The following SMARCAD1 variants were observed in gnomAD, a reference collection of about 807,000 sequenced individuals.
SMARCAD1 encodes SWI/SNF-related matrix-associated actin-dependent regulator of chromatin subfamily A containing DEAD/H box 1.
SMARCAD1 carries 25 observed loss-of-function variants against 127.1 expected under a neutral mutation model. That is an observed-to-expected ratio of 0.20 (90% CI 0.14 to 0.27). The LOEUF is 0.27. Among genes scored for constraint, SMARCAD1 ranks in the 10% least tolerant of loss-of-function variants. SMARCAD1 has a pLI of 1.00. For synonymous variants in SMARCAD1, 400 were observed against 396.9 expected (o/e 1.01, Z -0.09); for missense variants, 807 against 1,206.0 (o/e 0.67, Z 4.90).
chr4:94,254,721 A>G (rs1438234878), intron 9 of SMARCAD1, among the ~76,000 whole-genome samples: 1 of 152,144 alleles, frequency 6.6e-6, no homozygotes, highest in Non-Finnish European at 1.5e-5. Flanking sequence ...GTCTAAATGT[A>G]TCTGAAAAGT....
At chr4:94,238,222 G>A (rs1449869536) in intron 5 of SMARCAD1, among the ~76,000 whole-genome samples, 1 of 152,060 alleles carries the variant, frequency 6.6e-6, no homozygotes, top group Non-Finnish European at 1.5e-5. Flanking sequence ...TTTGAGCAAG[G>A]AGACAGTATT....
chr4:94,221,372 G>A (rs139329736), intron 2 of SMARCAD1, among the ~76,000 whole-genome samples: 23 of 152,128 alleles, frequency 1.5e-4, no homozygotes, highest in Admixed American at 9.2e-4. Flanking sequence ...ATGTTTTTTC[G>A]TATGGTTCCA....
At chr4:94,223,224 G>C (rs1489768963) in intron 2 of SMARCAD1, among the ~76,000 whole-genome samples, 3 of 152,076 alleles carry the variant, frequency 2.0e-5, no homozygotes, top group Non-Finnish European at 4.4e-5. Flanking sequence ...GCCGGGCGTG[G>C]TAGCTCACAT....
intron 3 of SMARCAD1, among the ~76,000 whole-genome samples, chr4:94,227,671 C>T (rs1029312889): frequency 2.0e-5 from 3 of 152,086 alleles, no homozygotes; most frequent in African/African-American, 7.2e-5. Flanking sequence ...TGTGGGTGGG[C>T]AAACACCTTT....
intron 8 of SMARCAD1, among the ~76,000 whole-genome samples, chr4:94,251,678 A>G (rs1361833413): frequency 6.6e-6 from 1 of 152,162 alleles, no homozygotes; most frequent in Non-Finnish European, 1.5e-5. Flanking sequence ...TAGCTTTCTG[A>G]GTAAGTAAAA....
In SMARCAD1 at chr4:94,252,834, C is replaced by G. The variant is rs750694296; in HGVS notation, c.1108C>G (p.Leu370Val). 3 of 1,614,056 alleles carry G rather than the reference C, an allele frequency of 1.9e-6. No homozygotes were observed. The highest frequency in any genetic ancestry group is 2.5e-6 in the Non-Finnish European group (3 of 1,179,964). Residue 370 changes from leucine (L) to valine (V), a missense_variant, in exon 9 of 24, where the codon CTA (leucine) becomes GTA (valine). Physicochemically the swap from Leu to Val is conservative, Grantham distance 32. This residue lies in a region of SMARCAD1 where 257 missense variants were observed against 303.4 expected (regional missense o/e 0.85). Transcript: ENST00000354268. Reference protein sequence around the residue: ...YDSGSDVGSSLDEDYSSGEEV... With the variant: ...YDSGSDVGSSVDEDYSSGEEV... The stretch of plus-strand genomic sequence containing the variant: ...TTCAGGTTCTGATGTCGGTAGTTCA[C>G]TAGATGAGGACTATAGTAGTGGTGA...
chr4:94,239,527 G>C (rs1488363328), intron 5 of SMARCAD1, among the ~76,000 whole-genome samples: 1 of 149,712 alleles, frequency 6.7e-6, no homozygotes, highest in Non-Finnish European at 1.5e-5. Context: ...CGAATTTATT[G>C]ATGTTGTCCG....
At chr4:94,221,677 G>A (rs11933631) in intron 2 of SMARCAD1, among the ~76,000 whole-genome samples, 1,602 of 152,268 alleles carry the variant, frequency 0.011, 24 homozygotes, top group African/African-American at 0.036. Context: ...TGGATATATA[G>A]TTTTCATGAA....
intron 5 of SMARCAD1, 150 bp from the exon 6 acceptor site, chr4:94,240,756 A>T (rs931127469): frequency 1.3e-5 from 8 of 635,356 alleles, no homozygotes; most frequent in Admixed American, 2.7e-5. Flanking sequence ...TTTTTTTTCA[A>T]TTCAGTCATA....
At chr4:94,241,474 T>A (rs1373071825) in intron 6 of SMARCAD1, among the ~76,000 whole-genome samples, 2 of 152,162 alleles carry the variant, frequency 1.3e-5, no homozygotes, top group African/African-American at 4.8e-5. Flanking sequence ...CATTTTAACT[T>A]GAGTGTCTCA....
intron 8 of SMARCAD1, 130 bp from the exon 9 acceptor site, chr4:94,252,486 T>C (rs1749426018): frequency 1.7e-6 from 1 of 586,196 alleles, no homozygotes; most frequent in African/African-American, 1.9e-5. Flanking sequence ...GTATCAAATT[T>C]AACAATAAAT....
chr4:94,243,571 CAGTT>C (rs1747939768), intron 6 of SMARCAD1, among the ~76,000 whole-genome samples: 1 of 152,134 alleles, frequency 6.6e-6, no homozygotes. Flanking sequence ...ATACATCAGT[CAGTT>C]CTGTTTTTAA....
chr4:94,208,443 A>G lies in SMARCAD1; in HGVS notation c.49A>G (p.Ile17Val). ...DRFRFEKRNK[I>V]EEAPEATPQP... ...TTTTCGCTTTGAGAAAAGGAATAAGATTGAGGAAGCGCCCGAAGCAACCCC... is the reference window on the plus strand; with the variant it reads ...TTTTCGCTTTGAGAAAAGGAATAAGGTTGAGGAAGCGCCCGAAGCAACCCC... The change falls in exon 2 of 24, where the codon ATT (isoleucine) becomes GTT (valine). Residue 17 changes from isoleucine to valine, a missense_variant. Ile to Val is a conservative substitution (Grantham distance 29, BLOSUM62 3). Around this residue, in one of 8 missense-constraint regions of SMARCAD1, gnomAD observed 175 missense variants for 169.5 expected, o/e 1.03. Transcript: ENST00000354268. 1.2e-6 allele frequency: 2 copies of G among 1,614,094 alleles called. No homozygotes were observed. The highest frequency in any genetic ancestry group is 1.7e-6 in the Non-Finnish European group (2 of 1,180,020).
intron 9 of SMARCAD1, among the ~76,000 whole-genome samples, chr4:94,255,898 A>G (rs778377710): frequency 6.6e-6 from 1 of 152,154 alleles, no homozygotes; most frequent in East Asian, 1.9e-4. Flanking sequence ...GTAGGTGCCT[A>G]TTGTGAGAAA....
chr4:94,235,229 CTTTTTTTTTTTTT>C (rs35123705), intron 4 of SMARCAD1, among the ~76,000 whole-genome samples: 12 of 39,254 alleles, frequency 3.1e-4, no homozygotes, highest in Non-Finnish European at 4.4e-4. Context: ...ACCACCAATC[CTTTTTTTTTTTTT>C]TTTTTTTTTT....
chr4:94,248,861 T>C (rs993900702), intron 6 of SMARCAD1, among the ~76,000 whole-genome samples: 1 of 152,186 alleles, frequency 6.6e-6, no homozygotes, highest in Non-Finnish European at 1.5e-5. Context: ...GCAATTCAGT[T>C]GTTGGATAAT....
intron 6 of SMARCAD1, among the ~76,000 whole-genome samples, chr4:94,246,065 G>C (rs1487645914): frequency 6.6e-6 from 1 of 151,612 alleles, no homozygotes; most frequent in African/African-American, 2.4e-5. Flanking sequence ...TTGCACTCTG[G>C]ACCTGGTACA....
rs938560070 is a variant in SMARCAD1, at chr4:94,272,672, AT to A, written c.1573-938del. On this transcript the variant is annotated intron_variant, in intron 11 of 23. Coordinates refer to ENST00000354268, the MANE Select transcript of SMARCAD1 (RefSeq NM_020159.5). ...ATCTGTGTTCTTATATGTATCAGTA[AT>A]TTTTTTGTTTCTGTTTTTGTTTTTT... Among the ~76,000 whole-genome samples the A allele has an allele frequency of 2.3e-4, 35 of 151,718 alleles. 1 individual carries two copies. Among genetic ancestry groups the A allele is most frequent in the Admixed American group, 1.3e-4 (2 of 15,228 alleles).
intron 10 of SMARCAD1, among the ~76,000 whole-genome samples, chr4:94,268,274 CTT>C (rs1250251403): frequency 6.6e-6 from 1 of 152,028 alleles, no homozygotes; most frequent in Non-Finnish European, 1.5e-5. Flanking sequence ...TTCCTCATCA[CTT>C]TTTAAAATTT....
Sources: gnomAD v4.1 joint callset for allele counts (sites outside exome capture counted in the v4.1 genomes callset) on GRCh38, gnomAD v4.1.1 for gene constraint, gnomAD v4.1.1 regional missense constraint, MANE v1.5 for transcripts, NCBI Gene and HGNC (gene_info 2026-07-23, HGNC 2026-07-21) for gene names.